Variants in STK24 observed in about 807,000 individuals in gnomAD.
The protein encoded by STK24 is serine/threonine kinase 24, also known as serine/threonine-protein kinase 24.
STK24 carries 21 observed loss-of-function variants against 55.6 expected under a neutral mutation model. The ratio of observed to expected loss-of-function variants is 0.38; its 90% confidence interval spans 0.27 to 0.54. STK24 has a LOEUF of 0.54. Ranked by LOEUF, STK24 falls within the 20% of genes least tolerant of loss-of-function variation. STK24 has a pLI of 0.79. For synonymous variants in STK24, 200 were observed against 215.2 expected (o/e 0.93, Z 0.62); for missense variants, 383 against 538.4 (o/e 0.71, Z 2.86).
intron 5 of STK24, among the ~76,000 whole-genome samples, chr13:98,466,900 C>T (rs1358418355): frequency 6.6e-5 from 10 of 152,150 alleles, no homozygotes; most frequent in Admixed American, 1.3e-4. Flanking sequence ...AGTGGGTGTA[C>T]GCTCGCGAGT....
chr13:98,537,403 C>CCGGCACA (rs1192906054), intron 1 of STK24, among the ~76,000 whole-genome samples: 1 of 152,212 alleles, frequency 6.6e-6, no homozygotes, highest in Non-Finnish European at 1.5e-5. Context: ...AGCACAGTGC[C>CCGGCACA]CGGCACACGG....
intron 1 of STK24, among the ~76,000 whole-genome samples, chr13:98,542,025 G>A (rs868727697): frequency 2.0e-5 from 3 of 152,136 alleles, no homozygotes; most frequent in South Asian, 2.1e-4. Context: ...GTCAAAGCTC[G>A]TTCCATCTCC....
intron 5 of STK24, among the ~76,000 whole-genome samples, chr13:98,471,760 G>C (rs959913641): frequency 3.9e-5 from 6 of 152,196 alleles, no homozygotes; most frequent in Non-Finnish European, 7.3e-5. Context: ...CTTTAGTTCA[G>C]TGAGATGAAG....
chr13:98,551,971 C>T (rs191558743), intron 1 of STK24, among the ~76,000 whole-genome samples: 1 of 152,232 alleles, frequency 6.6e-6, no homozygotes, highest in East Asian at 1.9e-4. Context: ...GCTGATGGAC[C>T]TGCTGCGATA....
chr13:98,552,839 C>T (rs779744718), intron 1 of STK24, among the ~76,000 whole-genome samples: 6 of 152,176 alleles, frequency 3.9e-5, no homozygotes, highest in Non-Finnish European at 7.3e-5. Context: ...GATACCCTCA[C>T]TGATTTCCAG....
chr13:98,568,795 G>C (rs1182800610), intron 1 of STK24, among the ~76,000 whole-genome samples: 4 of 152,164 alleles, frequency 2.6e-5, no homozygotes, highest in Admixed American at 6.5e-5. Flanking sequence ...TGGAACCTGG[G>C]GGGGCAGATG....
chr13:98,529,902 A>G (rs887995366), intron 1 of STK24, among the ~76,000 whole-genome samples: 4 of 152,198 alleles, frequency 2.6e-5, no homozygotes, highest in Non-Finnish European at 5.9e-5. Context: ...GGACCTTTAA[A>G]ATTGCCTTAT....
At chr13:98,462,385 C>T (rs1466271861) in intron 7 of STK24, among the ~76,000 whole-genome samples, 1 of 152,136 alleles carries the variant, frequency 6.6e-6, no homozygotes, top group Non-Finnish European at 1.5e-5. Context: ...CAAAGCCCAC[C>T]CGTGTCCCTC....
chr13:98,561,439 C>T (rs924198720), intron 1 of STK24, among the ~76,000 whole-genome samples: 7 of 151,598 alleles, frequency 4.6e-5, no homozygotes, highest in African/African-American at 1.7e-4. Context: ...AAGCATTAGC[C>T]GGTCGTGAGG....
intron 1 of STK24, among the ~76,000 whole-genome samples, chr13:98,523,877 C>T (rs763352647): frequency 6.6e-6 from 1 of 152,188 alleles, no homozygotes. Flanking sequence ...GCGGAGGCCC[C>T]GACGGCCCAT....
chr13:98,514,726 C>T (rs966725143), intron 2 of STK24, among the ~76,000 whole-genome samples: 2 of 152,168 alleles, frequency 1.3e-5, no homozygotes, highest in Non-Finnish European at 2.9e-5. Context: ...TTTGGTTAAA[C>T]TGGCTTGATG....
At chr13:98,519,171 G>A (rs750415206) in intron 2 of STK24, 72 bp downstream of exon 2, 74 of 1,235,564 alleles carry the variant, frequency 6.0e-5, no homozygotes, top group Middle Eastern at 5.3e-4. Flanking sequence ...TCCTATCAGA[G>A]TCCTTCCCAT....
chr13:98,514,662 T>A (rs188287851), intron 2 of STK24, among the ~76,000 whole-genome samples: 2 of 152,168 alleles, frequency 1.3e-5, no homozygotes, highest in African/African-American at 4.8e-5. Context: ...AAAACTACTA[T>A]GGCAAGGAAG....
chr13:98,562,653 C>T (rs1192674682), intron 1 of STK24, among the ~76,000 whole-genome samples: 2 of 152,142 alleles, frequency 1.3e-5, no homozygotes, highest in Non-Finnish European at 2.9e-5. Context: ...CAGTGGCTCA[C>T]GCCTGTAGTC....
chr13:98,475,058 G>C, intron 4 of STK24, 80 bp from the exon 5 acceptor site: 2 of 1,505,244 alleles, frequency 1.3e-6, no homozygotes, highest in East Asian at 4.7e-5. Context: ...CTTCTCCCTG[G>C]CTGGGTGGCG....
chr13:98,466,601 A>T (rs746052979), intron 5 of STK24, 40 bp from the exon 6 acceptor site: 4 of 1,603,388 alleles, frequency 2.5e-6, no homozygotes, highest in Non-Finnish European at 3.4e-6. Context: ...CCAAGCAGGA[A>T]TCTATTCCAA....
chr13:98,519,102 GTTC>G, intron 2 of STK24, 138 bp downstream of exon 2: 1 of 652,214 alleles, frequency 1.5e-6, no homozygotes, highest in South Asian at 1.9e-5. Flanking sequence ...TCAAAGCCAG[GTTC>G]TTTTGATCAC....
At chr13:98,534,085 G>A (rs1293123079) in intron 1 of STK24, among the ~76,000 whole-genome samples, 1 of 152,170 alleles carries the variant, frequency 6.6e-6, no homozygotes, top group African/African-American at 2.4e-5. Context: ...CCAACCGCAT[G>A]AGGCTTCATA....
chr13:98,503,156 T>C (rs1449497812), intron 2 of STK24, among the ~76,000 whole-genome samples: 1 of 150,620 alleles, frequency 6.6e-6, no homozygotes, highest in Admixed American at 6.6e-5. Flanking sequence ...ACCAAGAGAG[T>C]GTTTTTTAAA....
Sources: allele counts gnomAD v4.1 joint callset (sites outside exome capture counted in the v4.1 genomes callset), GRCh38; gene constraint gnomAD v4.1.1; transcripts MANE v1.5; gene names NCBI Gene and HGNC (gene_info 2026-07-23, HGNC 2026-07-21).